Variants in SLCO1A2 observed in about 807,000 individuals in gnomAD.
SLCO1A2 encodes solute carrier organic anion transporter family member 1A2, also known as OATP-1.
In SLCO1A2, 67 loss-of-function variants were observed where a neutral mutation model predicts 69.0. That is an observed-to-expected ratio of 0.97 (90% CI 0.80 to 1.19). The LOEUF (loss-of-function observed/expected upper bound fraction) is 1.19. Among genes scored for constraint, SLCO1A2 ranks in the 50% most tolerant of loss-of-function variants. The pLI, the probability that SLCO1A2 is intolerant of heterozygous loss-of-function variation, is 0.00. For missense variants in SLCO1A2, 787 were observed against 793.7 expected (o/e 0.99, Z 0.10); for synonymous variants, 260 against 265.9 (o/e 0.98, Z 0.22).
At chr12:21,361,653 T>C (rs1442556254) in intron 2 of SLCO1A2, among the ~76,000 whole-genome samples, 1 of 151,804 alleles carries the variant, frequency 6.6e-6, no homozygotes, top group East Asian at 1.9e-4. Context: ...GAAAAAAGAG[T>C]AGACGAATGG....
intron 2 of SLCO1A2, among the ~76,000 whole-genome samples, chr12:21,362,176 A>G (rs1474286652): frequency 2.6e-5 from 4 of 152,330 alleles, no homozygotes; most frequent in East Asian, 3.9e-4. Context: ...AGGGAAGCCC[A>G]TTAGACTAAC....
intron 1 of SLCO1A2, among the ~76,000 whole-genome samples, chr12:21,407,759 A>G (rs1309510452): frequency 6.6e-6 from 1 of 151,584 alleles, no homozygotes; most frequent in Non-Finnish European, 1.5e-5. Context: ...GTGAGCCAAG[A>G]TTGTGCTACT....
chr12:21,404,357 C>T lies in SLCO1A2; in HGVS notation c.-312+13525G>A, dbSNP rs574407544. Among the ~76,000 whole-genome samples the T allele has an allele frequency of 6.6e-5, 10 of 152,242 alleles. No individual in the cohort carries two copies. The East Asian group carries it at 9.6e-4, about 15-fold the overall frequency. ...CCCGTCACCTAGGTATTAAGCCCCA[C>T]GTGCATTAGCTATTTATCCTGATGC... On this transcript the variant is annotated intron_variant, in intron 1 of 4. Coordinates refer to the SLCO1A2 transcript ENST00000413682.
At chr12:21,305,575 C>T (rs1479153404) in intron 5 of SLCO1A2, among the ~76,000 whole-genome samples, 1 of 152,214 alleles carries the variant, frequency 6.6e-6, no homozygotes. Flanking sequence ...TAGGCCTATT[C>T]TAGGGCAAAA....
rs201406920 is a variant in SLCO1A2, at chr12:21,300,465, A to T, written c.793T>A (p.Phe265Ile). The T allele has an allele frequency of 5.6e-6, 9 of 1,613,640 alleles. No homozygotes were observed. The highest frequency in any genetic ancestry group is 1.7e-5 in the Admixed American group (1 of 59,918). Residue 265 changes from phenylalanine (F) to isoleucine (I), a missense_variant, in exon 8 of 15, where the codon TTT (phenylalanine) becomes ATT (isoleucine). Transcript: ENST00000683939. ...VNVLTAIPFF[F>I]LPNTLPKEGL... ...TCCTTTGGAAGTGTGTTGGGCAAAA[A>T]GAAAAAAGGAATGGCAGTGAGCACG...
At chr12:21,387,701 C>A (rs770835096) in intron 1 of SLCO1A2, among the ~76,000 whole-genome samples, 1 of 152,162 alleles carries the variant, frequency 6.6e-6, no homozygotes, top group East Asian at 1.9e-4. Context: ...AAGGGACATG[C>A]GGGGTTGGAG....
chr12:21,318,320 C>T (rs1159722883), intron 3 of SLCO1A2, among the ~76,000 whole-genome samples: 2 of 152,156 alleles, frequency 1.3e-5, no homozygotes, highest in Middle Eastern at 3.4e-3. Context: ...GGGGTTTCAC[C>T]ATGTTAGCCA....
At chr12:21,378,940 T>C (rs1940406370) in intron 1 of SLCO1A2, 1 of 154,330 alleles carries the variant, frequency 6.5e-6, no homozygotes, top group East Asian at 1.9e-4. Context: ...CCGGGGGTGG[T>C]GACATGTGCC....
chr12:21,373,355 G>A lies in SLCO1A2; in HGVS notation c.-63+1044C>T, dbSNP rs557866734. 16 of 1,610,354 alleles carry A rather than the reference G, an allele frequency of 9.9e-6. 1 individual carries two copies. The highest frequency in any genetic ancestry group is 1.7e-4 in the Middle Eastern group (1 of 6,050). On this transcript the variant is annotated intron_variant, in intron 2 of 15. Coordinates refer to the SLCO1A2 transcript ENST00000307378. ...TTTGCAGAAAATTTGAGAAGCAATG[G>A]GCATCCTGAAGCTGCAAGTATTTCT...
At chr12:21,419,074 T>C (rs1318913141), upstream of SLCO1A2, 1 of 152,098 alleles carries the variant, frequency 6.6e-6, no homozygotes, top group African/African-American at 2.4e-5. Context: ...AAATTAAACA[T>C]AGGAAGACTC....
At chr12:21,278,805 C>G (rs1267980569) in intron 12 of SLCO1A2, among the ~76,000 whole-genome samples, 1 of 152,004 alleles carries the variant, frequency 6.6e-6, no homozygotes, top group Non-Finnish European at 1.5e-5. Flanking sequence ...CAAACATTGA[C>G]AAGCATAAAG....
chr12:21,275,658 T>C, intron 12 of SLCO1A2, among the ~76,000 whole-genome samples: 1 of 152,070 alleles, frequency 6.6e-6, no homozygotes. Context: ...CCTATTTTAT[T>C]GGTCAGGCGC....
chr12:21,325,639 T>C (rs1952165605), intron 2 of SLCO1A2, among the ~76,000 whole-genome samples: 1 of 152,196 alleles, frequency 6.6e-6, no homozygotes, highest in Non-Finnish European at 1.5e-5. Flanking sequence ...GGCCCTTTAA[T>C]GTTGGAGGAT....
In SLCO1A2 at chr12:21,415,177, C is replaced by T. The variant is rs372794705; in HGVS notation, c.-312+2705G>A. On this transcript the variant is annotated intron_variant, in intron 1 of 4. Transcript: ENST00000413682. Reference sequence around the variant, plus strand: ...ATCTTAATTCATTATTTCAGTTTGTCCCACTTTTTGTTTTATATTCTTTCT... The same window carrying T: ...ATCTTAATTCATTATTTCAGTTTGTTCCACTTTTTGTTTTATATTCTTTCT... 6.5e-4 allele frequency among the ~76,000 whole-genome samples: 99 copies of T among 151,838 alleles called. 1 individual carries two copies. The highest frequency in any genetic ancestry group is 2.3e-3 in the African/African-American group (94 of 41,464).
chr12:21,307,441 G>A (rs367892073), intron 4 of SLCO1A2, among the ~76,000 whole-genome samples: 4 of 152,150 alleles, frequency 2.6e-5, no homozygotes, highest in East Asian at 1.9e-4. Flanking sequence ...TCCAGTTTCT[G>A]AGAAACCGTA....
chr12:21,390,868 G>C (rs1941117776), intron 1 of SLCO1A2, among the ~76,000 whole-genome samples: 1 of 152,094 alleles, frequency 6.6e-6, no homozygotes, highest in South Asian at 2.1e-4. Context: ...TTCAATAATT[G>C]GTAGCTCCTG....
At position 21,334,667 on chromosome 12, in the gene SLCO1A2, C is replaced by G; in HGVS notation, c.-20G>C. 1 of 1,600,542 alleles carries G rather than the reference C, an allele frequency of 6.2e-7. No individual in the cohort carries two copies. The highest frequency in any genetic ancestry group is 8.5e-7 in the Non-Finnish European group (1 of 1,172,654). On this transcript the variant is annotated 5_prime_UTR_variant, in exon 2 of 15. Transcript: ENST00000683939. ...TCCCATGTTGCTCTTCAGGGTGTTC[C>G]AAGCTATTTATGTTTTAAATCTTGA...
chr12:21,393,233 C>A (rs1941248428), intron 1 of SLCO1A2, among the ~76,000 whole-genome samples: 1 of 152,002 alleles, frequency 6.6e-6, no homozygotes, highest in Admixed American at 6.6e-5. Flanking sequence ...GATAATAAAC[C>A]TTCTATCAAT....
At chr12:21,286,321 TGAG>T (rs1274502888) in intron 12 of SLCO1A2, among the ~76,000 whole-genome samples, 3 of 148,460 alleles carry the variant, frequency 2.0e-5, no homozygotes, top group Non-Finnish European at 3.0e-5. Flanking sequence ...AGGACCTCTT[TGAG>T]GAGAACTACA....
Sources: gnomAD v4.1 joint callset for allele counts (sites outside exome capture counted in the v4.1 genomes callset) on GRCh38, gnomAD v4.1.1 for gene constraint, MANE v1.5 for transcripts, NCBI Gene and HGNC (gene_info 2026-07-23, HGNC 2026-07-21) for gene names.